The following CHN1 variants were observed in gnomAD, a reference collection of about 807,000 sequenced individuals.
CHN1 encodes the protein N-chimaerin.
In CHN1, 37 loss-of-function variants were observed where a neutral mutation model predicts 59.5. The observed-to-expected ratio is 0.62, with a 90% CI of 0.48 to 0.82. CHN1 has a LOEUF of 0.82. Ranked by LOEUF, CHN1 falls within the 40% of genes least tolerant of loss-of-function variation. CHN1 has a pLI of 0.00. For missense variants in CHN1, 469 were observed against 571.0 expected (o/e 0.82, Z 1.82); for synonymous variants, 206 against 200.4 (o/e 1.03, Z -0.24).
At chr2:174,989,970 T>C (rs1419390448) in intron 1 of CHN1, among the ~76,000 whole-genome samples, 2 of 152,144 alleles carry the variant, frequency 1.3e-5, no homozygotes, top group African/African-American at 2.4e-5. Flanking sequence ...TATTAAGATT[T>C]TGATCAACCT....
chr2:175,002,239 A>G (rs1436348726), intron 1 of CHN1, among the ~76,000 whole-genome samples: 2 of 152,206 alleles, frequency 1.3e-5, no homozygotes, highest in Non-Finnish European at 2.9e-5. Flanking sequence ...GAGAAGAAAA[A>G]CGGGTGCAAA....
chr2:174,989,402 G>A (rs80193621), intron 1 of CHN1, among the ~76,000 whole-genome samples: 6,370 of 151,608 alleles, frequency 0.042, 483 homozygotes, highest in African/African-American at 0.15. Flanking sequence ...AGATAAATAC[G>A]TCAACTTTTA....
chr2:174,999,356 A>G (rs917497376), intron 1 of CHN1, among the ~76,000 whole-genome samples: 1 of 152,188 alleles, frequency 6.6e-6, no homozygotes, highest in African/African-American at 2.4e-5. Context: ...GATGCTTTCT[A>G]TAAGACTGAG....
Position 174,864,999 on chromosome 2 carries a change from T to C in CHN1, c.549+12841A>G, listed in dbSNP as rs150009190. Among the ~76,000 whole-genome samples, 363 of 152,302 alleles carry C rather than the reference T, an allele frequency of 2.4e-3. 1 individual carries two copies. Among genetic ancestry groups the C allele is most frequent in the African/African-American group, 8.4e-3 (351 of 41,564 alleles). ...GTTCCTATGAAAGGAACAAGATTAT[T>C]TGAATTTGTACATCTGTGTGATACT... On this transcript the variant is annotated intron_variant, in intron 6 of 12. Coordinates refer to ENST00000409900, the MANE Select transcript of CHN1 (RefSeq NM_001822.7).
At chr2:174,830,630 G>C (rs1685846451) in intron 7 of CHN1, among the ~76,000 whole-genome samples, 1 of 152,196 alleles carries the variant, frequency 6.6e-6, no homozygotes, top group African/African-American at 2.4e-5. Context: ...GGCAGGAAAG[G>C]CAGAAGAAAT....
Position 175,005,230 on chromosome 2 carries a change from G to C in CHN1, c.-318C>G. The C allele has an allele frequency of 8.4e-7, 1 of 1,191,070 alleles. No homozygotes were observed. The highest frequency in any genetic ancestry group is 1.0e-6 in the Non-Finnish European group (1 of 959,494). The allele number at this position is 1,191,070 out of a possible 1,614,324, so 73.8% of individuals were successfully genotyped here. A position where few individuals can be genotyped will look rare whatever the true frequency, so the allele number is the denominator to read the frequency against. On this transcript the variant is annotated 5_prime_UTR_variant, in exon 1 of 13. Transcript: ENST00000409900. ...CCTGCGAGGCAGGAGGCTTGGCCGC[G>C]GCGCAGTGGCTGGCGGAGAGGCGGC...
chr2:174,880,220 C>T (rs1425215734), intron 5 of CHN1, among the ~76,000 whole-genome samples: 3 of 152,080 alleles, frequency 2.0e-5, no homozygotes, highest in Non-Finnish European at 2.9e-5. Flanking sequence ...AAACTTATAA[C>T]ATGGTTTGAT....
At chr2:174,876,089 C>T (rs901086706) in intron 6 of CHN1, among the ~76,000 whole-genome samples, 4 of 152,170 alleles carry the variant, frequency 2.6e-5, no homozygotes, top group Non-Finnish European at 5.9e-5. Flanking sequence ...CTAGAATACA[C>T]AGGGAATCAT....
intron 3 of CHN1, among the ~76,000 whole-genome samples, chr2:174,944,155 T>G (rs1689757367): frequency 6.6e-6 from 1 of 152,162 alleles, no homozygotes; most frequent in Non-Finnish European, 1.5e-5. Flanking sequence ...AATCCTACAA[T>G]AAAAAACTTT....
chr2:174,854,827 A>G (rs1288552794), intron 6 of CHN1, among the ~76,000 whole-genome samples: 1 of 152,214 alleles, frequency 6.6e-6, no homozygotes, highest in African/African-American at 2.4e-5. Context: ...ATTTGTGACT[A>G]TGATATGGAT....
chr2:174,945,920 T>C (rs1689817934), intron 2 of CHN1, among the ~76,000 whole-genome samples: 1 of 148,480 alleles, frequency 6.7e-6, no homozygotes, highest in Non-Finnish European at 1.5e-5. Flanking sequence ...TGTGTGTGTG[T>C]GTGTGTGTGT....
intron 5 of CHN1, among the ~76,000 whole-genome samples, chr2:174,912,292 G>A (rs1334464877): frequency 6.6e-6 from 1 of 152,054 alleles, no homozygotes; most frequent in East Asian, 1.9e-4. Flanking sequence ...TGTAAGGTAG[G>A]GGCCTCTGGA....
At chr2:174,812,610 T>C in intron 8 of CHN1, 128 bp from the exon 9 acceptor site, 1 of 715,534 alleles carries the variant, frequency 1.4e-6, no homozygotes, top group Non-Finnish European at 2.2e-6. Context: ...ACTCCAGCAG[T>C]TCTTTCTTGG....
chr2:174,935,318 T>C (rs1689464898), intron 3 of CHN1, among the ~76,000 whole-genome samples: 1 of 152,178 alleles, frequency 6.6e-6, no homozygotes, highest in Non-Finnish European at 1.5e-5. Flanking sequence ...GCCTGGCAGA[T>C]GGTAGCCCCT....
At chr2:174,946,745 C>T (rs1689847753) in intron 2 of CHN1, among the ~76,000 whole-genome samples, 1 of 151,696 alleles carries the variant, frequency 6.6e-6, no homozygotes, top group African/African-American at 2.4e-5. Context: ...TTAAAAATGG[C>T]CAAACCATGA....
At position 175,005,137 on chromosome 2, in the gene CHN1, C is replaced by G; in HGVS notation, c.-225G>C. 10 of 1,299,138 alleles carry G rather than the reference C, an allele frequency of 7.7e-6. No homozygotes were observed. In the East Asian group the frequency reaches 1.0e-4, roughly 13 times the overall value. The allele number at this position is 1,299,138 out of a possible 1,614,324, so 80.5% of individuals were successfully genotyped here. A position where few individuals can be genotyped will look rare whatever the true frequency, so the allele number is the denominator to read the frequency against. On this transcript the variant is annotated 5_prime_UTR_variant, in exon 1 of 13. Transcript: ENST00000409900. Reference sequence around the variant, plus strand: ...CGGGCGCACCGGGCCCAGGGAGCCCCGCTAGCTCTCCGCGAGCCGGCACTT... The same window carrying G: ...CGGGCGCACCGGGCCCAGGGAGCCCGGCTAGCTCTCCGCGAGCCGGCACTT...
chr2:174,969,056 A>G (rs1238629682), intron 1 of CHN1, among the ~76,000 whole-genome samples: 2 of 152,196 alleles, frequency 1.3e-5, no homozygotes, highest in Non-Finnish European at 2.9e-5. Context: ...TACTATATAT[A>G]TGTGAAATGT....
chr2:174,858,073 A>G (rs1237490276), intron 6 of CHN1, among the ~76,000 whole-genome samples: 5 of 152,126 alleles, frequency 3.3e-5, no homozygotes, highest in Non-Finnish European at 5.9e-5. Flanking sequence ...AATTTAATGG[A>G]GGCAATCTAG....
At chr2:174,895,902 G>T (rs1346954887) in intron 5 of CHN1, among the ~76,000 whole-genome samples, 2 of 152,088 alleles carry the variant, frequency 1.3e-5, no homozygotes, top group Non-Finnish European at 2.9e-5. Context: ...GGAGAGAAAT[G>T]AATGTGATTA....
Sources: gnomAD v4.1 joint callset for allele counts (sites outside exome capture counted in the v4.1 genomes callset) on GRCh38, gnomAD v4.1.1 for gene constraint, MANE v1.5 for transcripts, NCBI Gene and HGNC (gene_info 2026-07-23, HGNC 2026-07-21) for gene names.